Variants in CAMKMT observed in about 807,000 individuals in gnomAD.
CAMKMT encodes the protein CaM KMT.
In CAMKMT, 53 loss-of-function variants were observed where a neutral mutation model predicts 48.0. The observed-to-expected ratio is 1.10, with a 90% CI of 0.89 to 1.39. The LOEUF (loss-of-function observed/expected upper bound fraction) is 1.39, where lower values mean the gene tolerates loss of function less well. Ranked by LOEUF, CAMKMT falls within the 40% of genes most tolerant of loss-of-function variation. CAMKMT has a pLI of 0.00. For missense variants in CAMKMT, 428 were observed against 402.7 expected (o/e 1.06, Z -0.54); for synonymous variants, 165 against 152.3 (o/e 1.08, Z -0.61).
chr2:44,439,332 CCTT>C (rs1490379307), intron 3 of CAMKMT, among the ~76,000 whole-genome samples: 1 of 152,130 alleles, frequency 6.6e-6, no homozygotes, highest in Non-Finnish European at 1.5e-5. Flanking sequence ...CTTAATTCCT[CCTT>C]CTTTGTAGAG....
chr2:44,646,122 A>G (rs774635192), intron 3 of CAMKMT, among the ~76,000 whole-genome samples: 3 of 152,218 alleles, frequency 2.0e-5, no homozygotes, highest in Non-Finnish European at 4.4e-5. Flanking sequence ...GCTGGTGAAC[A>G]TTAATAGAGC....
At chr2:44,632,756 G>T (rs969014580) in intron 3 of CAMKMT, among the ~76,000 whole-genome samples, 1 of 152,168 alleles carries the variant, frequency 6.6e-6, no homozygotes, top group Non-Finnish European at 1.5e-5. Context: ...TCAGCTCCCA[G>T]TGTGGCTAGA....
chr2:44,737,693 T>C (rs1679429857), intron 7 of CAMKMT, among the ~76,000 whole-genome samples: 1 of 152,164 alleles, frequency 6.6e-6, no homozygotes, highest in South Asian at 2.1e-4. Flanking sequence ...GCATGATCAG[T>C]CATCCACAGA....
At chr2:44,546,341 C>T (rs982742171) in intron 3 of CAMKMT, among the ~76,000 whole-genome samples, 1 of 152,198 alleles carries the variant, frequency 6.6e-6, no homozygotes, top group African/African-American at 2.4e-5. Context: ...CTTCAGTGGT[C>T]ACTTGTGTGA....
intron 3 of CAMKMT, among the ~76,000 whole-genome samples, chr2:44,397,844 A>C (rs1681999998): frequency 6.6e-6 from 1 of 152,220 alleles, no homozygotes; most frequent in African/African-American, 2.4e-5. Flanking sequence ...GACTGAAATA[A>C]ACCCTATAAT....
At chr2:44,400,261 A>T (rs1341799031) in intron 3 of CAMKMT, among the ~76,000 whole-genome samples, 1 of 152,174 alleles carries the variant, frequency 6.6e-6, no homozygotes, top group East Asian at 1.9e-4. Context: ...TTTTTTATTT[A>T]GGTAATACAA....
chr2:44,642,127 T>G (rs1673482290), intron 3 of CAMKMT, among the ~76,000 whole-genome samples: 1 of 152,238 alleles, frequency 6.6e-6, no homozygotes, highest in Admixed American at 6.5e-5. Flanking sequence ...TTATATTTTT[T>G]CTGCCTCCTA....
At position 44,737,959 on chromosome 2, in the gene CAMKMT, G is replaced by A. The variant is rs571213005; in HGVS notation, c.624-5663G>A. Among the ~76,000 whole-genome samples the A allele has an allele frequency of 3.3e-5, 5 of 151,596 alleles. No individual in the cohort carries two copies. The East Asian group carries it at 7.8e-4, about 24-fold the overall frequency. ...CAACCTCTGCCTCCCAGGTTCAAGC[G>A]ATTCTCCTGCTTCAGCCTCCCAAGT... On this transcript the variant is annotated intron_variant, in intron 7 of 10. Transcript: ENST00000378494.
intron 3 of CAMKMT, among the ~76,000 whole-genome samples, chr2:44,633,913 C>A (rs935050932): frequency 6.6e-6 from 1 of 151,924 alleles, no homozygotes; most frequent in Non-Finnish European, 1.5e-5. Context: ...ATTCTTTCAA[C>A]ACTTATTTTT....
intron 4 of CAMKMT, 60 bp from the exon 5 acceptor site, chr2:44,706,227 T>G: frequency 6.4e-7 from 1 of 1,562,522 alleles, no homozygotes; most frequent in Non-Finnish European, 8.8e-7. Flanking sequence ...AACATATATC[T>G]CTCTCTGACC....
intron 7 of CAMKMT, among the ~76,000 whole-genome samples, chr2:44,735,897 CAAACAAAACAAAACAAAACAAAACA>C (rs57656418): frequency 1.3e-5 from 2 of 149,700 alleles, no homozygotes; most frequent in African/African-American, 2.5e-5. Context: ...TGCTCTGTCT[CAAACAAAACAAAACAAAACAAAACA>C]AAACAAAACA....
chr2:44,604,313 C>G (rs1166042372), intron 3 of CAMKMT, among the ~76,000 whole-genome samples: 1 of 152,100 alleles, frequency 6.6e-6, no homozygotes, highest in East Asian at 1.9e-4. Context: ...AAATATTTCC[C>G]TACTGAGTTC....
chr2:44,438,460 T>C (rs1019845565), intron 3 of CAMKMT, among the ~76,000 whole-genome samples: 5 of 152,244 alleles, frequency 3.3e-5, no homozygotes, highest in Admixed American at 6.5e-5. Flanking sequence ...ATAATAATTA[T>C]AATTACAAAA....
chr2:44,403,984 G>C (rs1254583111), intron 3 of CAMKMT, among the ~76,000 whole-genome samples: 1 of 152,094 alleles, frequency 6.6e-6, no homozygotes, highest in African/African-American at 2.4e-5. Context: ...CTAAGCTATA[G>C]TTTATTGGTC....
intron 3 of CAMKMT, among the ~76,000 whole-genome samples, chr2:44,539,283 CAA>C (rs35929999): frequency 0.026 from 3,066 of 117,194 alleles, 39 homozygotes; most frequent in African/African-American, 0.043. Context: ...CCAGAAGTCT[CAA>C]AAAAAAAAAA....
chr2:44,700,186 T>C (rs1677183523), intron 3 of CAMKMT, among the ~76,000 whole-genome samples: 1 of 152,236 alleles, frequency 6.6e-6, no homozygotes, highest in African/African-American at 2.4e-5. Context: ...CTTCATAGAA[T>C]TGAAGAGTTA....
At chr2:44,575,835 G>T (rs918344326) in intron 3 of CAMKMT, among the ~76,000 whole-genome samples, 1 of 151,882 alleles carries the variant, frequency 6.6e-6, no homozygotes, top group East Asian at 1.9e-4. Context: ...CTCCAGTCTC[G>T]GTGACGGTGA....
At chr2:44,413,633 C>T (rs1191165748) in intron 3 of CAMKMT, among the ~76,000 whole-genome samples, 39 of 140,432 alleles carry the variant, frequency 2.8e-4, no homozygotes, top group Non-Finnish European at 4.7e-4. Context: ...GTCAGGGTGA[C>T]AGAGTGAGAC....
At chr2:44,504,060 A>T (rs1257677751) in intron 3 of CAMKMT, among the ~76,000 whole-genome samples, 3 of 151,796 alleles carry the variant, frequency 2.0e-5, no homozygotes, top group African/African-American at 7.3e-5. Flanking sequence ...AAGGGCCCAG[A>T]TGCTGTTATG....
Sources: gnomAD v4.1 joint callset for allele counts (sites outside exome capture counted in the v4.1 genomes callset) on GRCh38, gnomAD v4.1.1 for gene constraint, MANE v1.5 for transcripts, NCBI Gene and HGNC (gene_info 2026-07-23, HGNC 2026-07-21) for gene names.